The following AFF1 variants were observed in gnomAD, a reference collection of about 807,000 sequenced individuals.
The protein encoded by AFF1 is ALF transcription elongation factor 1.
In AFF1, 48 loss-of-function variants were observed where a neutral mutation model predicts 121.7. The observed-to-expected ratio is 0.39, with a 90% confidence interval of 0.31 to 0.50. The LOEUF (loss-of-function observed/expected upper bound fraction) is 0.50. AFF1 is among the 20% of genes least tolerant of loss of function. The probability of loss-of-function intolerance (pLI) is 0.76; values close to 1 mark genes in which losing one functional copy is unlikely to be tolerated. For synonymous variants in AFF1, 613 were observed against 563.0 expected (o/e 1.09, Z -1.26); for missense variants, 1,523 against 1,511.7 (o/e 1.01, Z -0.12).
chr4:87,058,834 G>C (rs1720428168), intron 4 of AFF1, among the ~76,000 whole-genome samples: 1 of 152,018 alleles, frequency 6.6e-6, no homozygotes, highest in Admixed American at 6.5e-5. Context: ...ACCCATTGCA[G>C]CCTGCTCTGT....
intron 12 of AFF1, among the ~76,000 whole-genome samples, chr4:87,123,168 A>G (rs2149786500): frequency 6.6e-6 from 1 of 152,358 alleles, no homozygotes; most frequent in Non-Finnish European, 1.5e-5. Flanking sequence ...TGCTGGGATT[A>G]CAGGCATGAG....
At chr4:87,029,356 G>A (rs1728842078) in intron 2 of AFF1, among the ~76,000 whole-genome samples, 2 of 152,144 alleles carry the variant, frequency 1.3e-5, no homozygotes, top group Non-Finnish European at 2.9e-5. Context: ...TGAAGACAGA[G>A]GTTTAACGTT....
chr4:87,015,870 T>C (rs1727240060), intron 2 of AFF1, among the ~76,000 whole-genome samples: 1 of 152,218 alleles, frequency 6.6e-6, no homozygotes, highest in Non-Finnish European at 1.5e-5. Context: ...GTATTATCCA[T>C]GATCTTAGAG....
At chr4:87,017,712 A>C (rs1207466599) in intron 2 of AFF1, among the ~76,000 whole-genome samples, 6 of 152,208 alleles carry the variant, frequency 3.9e-5, no homozygotes. Context: ...CTCACATGCA[A>C]AGATAAGTTA....
At chr4:87,033,294 G>C (rs1729244801) in intron 2 of AFF1, among the ~76,000 whole-genome samples, 1 of 152,084 alleles carries the variant, frequency 6.6e-6, no homozygotes, top group Non-Finnish European at 1.5e-5. Flanking sequence ...GTTGCTTTTT[G>C]CTGCTGGTTA....
At chr4:86,938,175 T>C (rs1210661875) in intron 1 of AFF1, among the ~76,000 whole-genome samples, 1 of 152,074 alleles carries the variant, frequency 6.6e-6, no homozygotes, top group East Asian at 1.9e-4. Flanking sequence ...TGGGGCCAGG[T>C]GTGGTGGCTC....
At chr4:87,072,328 A>T (rs1722160017) in intron 4 of AFF1, among the ~76,000 whole-genome samples, 1 of 144,902 alleles carries the variant, frequency 6.9e-6, no homozygotes, top group Non-Finnish European at 1.5e-5. Flanking sequence ...ACACCACTGC[A>T]CTCCAGCCTG....
At chr4:86,975,092 A>C (rs756560890) in intron 2 of AFF1, among the ~76,000 whole-genome samples, 1 of 150,080 alleles carries the variant, frequency 6.7e-6, no homozygotes, top group Non-Finnish European at 1.5e-5. Flanking sequence ...TGCTTTTCCT[A>C]CTTCTCTCTT....
At chr4:87,022,708 AT>A (rs1728133480) in intron 2 of AFF1, among the ~76,000 whole-genome samples, 1 of 145,446 alleles carries the variant, frequency 6.9e-6, no homozygotes, top group African/African-American at 2.7e-5. Flanking sequence ...GTGTATATAT[AT>A]ATCTGTGTGT....
chr4:87,047,351 C>T lies in AFF1; in HGVS notation c.816C>T (p.Ala272=). The change falls in exon 4 of 21, where the codon GCC becomes GCT. Residue 272 remains alanine, a synonymous_variant. Transcript: ENST00000395146. ...DKETPQDSLV[A]PAQPPSQTFP... ...AGACCCCTCAAGACAGTTTGGTGGCCCCTGCCCAGCCGCCTTCTCAGACAT... is the reference window on the plus strand; with the variant it reads ...AGACCCCTCAAGACAGTTTGGTGGCTCCTGCCCAGCCGCCTTCTCAGACAT... 4 of 1,614,102 alleles carry T rather than the reference C, an allele frequency of 2.5e-6. No homozygotes were observed. Among genetic ancestry groups the T allele is most frequent in the Non-Finnish European group, 3.4e-6 (4 of 1,180,020 alleles).
Position 86,937,106 on chromosome 4 carries a change from G to A in AFF1, c.-37+1866G>A, listed in dbSNP as rs1297703353. On this transcript the variant is annotated intron_variant, in intron 1 of 20. Coordinates refer to ENST00000395146, the MANE Select transcript of AFF1 (RefSeq NM_001166693.3). ...GAGGCTGGAGATGTGAGACTTGCAG[G>A]TATGTTGCTGTGAATTCTTTGCTTT... Among the ~76,000 whole-genome samples the A allele has an allele frequency of 3.9e-5, 6 of 152,328 alleles. No individual in the cohort carries two copies. The East Asian group carries it at 1.2e-3, about 29-fold the overall frequency.
At chr4:87,025,316 C>T (rs1728415518) in intron 2 of AFF1, among the ~76,000 whole-genome samples, 1 of 152,184 alleles carries the variant, frequency 6.6e-6, no homozygotes, top group East Asian at 1.9e-4. Context: ...ATTACAACAG[C>T]CCAAAACTTT....
chr4:87,038,721 C>CT (rs1334169723), intron 2 of AFF1, among the ~76,000 whole-genome samples: 2 of 152,188 alleles, frequency 1.3e-5, no homozygotes, highest in African/African-American at 4.8e-5. Context: ...TGGCATAGTG[C>CT]TTCTAAACAG....
intron 8 of AFF1, among the ~76,000 whole-genome samples, chr4:87,102,718 T>A (rs342456): frequency 1.3e-5 from 2 of 151,994 alleles, no homozygotes; most frequent in Non-Finnish European, 2.9e-5. Context: ...TAAAAAAAAA[T>A]TTATAGGTGA....
At chr4:87,042,567 T>TTTAG (rs1340478924) in intron 2 of AFF1, among the ~76,000 whole-genome samples, 1 of 152,240 alleles carries the variant, frequency 6.6e-6, no homozygotes, top group Non-Finnish European at 1.5e-5. Flanking sequence ...GATGTCTTTT[T>TTTAG]TCACCTCACT....
intron 2 of AFF1, among the ~76,000 whole-genome samples, chr4:86,984,449 G>C (rs971649286): frequency 1.3e-5 from 2 of 151,278 alleles, no homozygotes; most frequent in Non-Finnish European, 2.9e-5. Flanking sequence ...TCAGCCTCCC[G>C]AGTAGCTGAG....
chr4:87,047,590 T>C lies in AFF1; in HGVS notation c.1055T>C (p.Val352Ala). The change falls in exon 4 of 21, where the codon GTT (valine) becomes GCT (alanine). Residue 352 changes from valine (V) to alanine (A), a missense_variant. Physicochemically the swap from Val to Ala is moderately conservative, Grantham distance 64. This residue lies in a region of AFF1 where 905 missense variants were observed against 842.5 expected (regional missense o/e 1.07). Transcript: ENST00000395146. ...AAACTGAAGATGCCTTCTCAGTCAGTTGAGGTGTGTGGAATTTCTTATCTT... is the reference window on the plus strand; with the variant it reads ...AAACTGAAGATGCCTTCTCAGTCAGCTGAGGTGTGTGGAATTTCTTATCTT... ...LTKLKMPSQS[V>A]EQTYSNEVHC... 1.2e-6 allele frequency: 2 copies of C among 1,614,008 alleles called. No individual in the cohort carries two copies. The highest frequency in any genetic ancestry group is 1.7e-6 in the Non-Finnish European group (2 of 1,179,994).
intron 2 of AFF1, among the ~76,000 whole-genome samples, chr4:86,996,378 T>C (rs1363740096): frequency 6.6e-6 from 1 of 151,916 alleles, no homozygotes; most frequent in African/African-American, 2.4e-5. Context: ...TGTTCTGTAC[T>C]AAGAAAAATT....
chr4:87,034,459 A>G (rs933517934), intron 2 of AFF1, among the ~76,000 whole-genome samples: 2 of 152,174 alleles, frequency 1.3e-5, no homozygotes, highest in African/African-American at 2.4e-5. Flanking sequence ...GTTCCCCATG[A>G]TGTATTTATA....
Sources: allele counts gnomAD v4.1 joint callset (sites outside exome capture counted in the v4.1 genomes callset), GRCh38; gene constraint gnomAD v4.1.1; regional missense constraint gnomAD v4.1.1; transcripts MANE v1.5; gene names NCBI Gene and HGNC (gene_info 2026-07-23, HGNC 2026-07-21).